The following GRIA4 variants were observed in gnomAD, a reference collection of about 807,000 sequenced individuals.
GRIA4 encodes glutamate receptor 4.
A neutral mutation model predicts 104.0 loss-of-function variants in GRIA4; 34 were observed. That is an observed-to-expected ratio of 0.33 (90% CI 0.25 to 0.44). The LOEUF is 0.44. Ranked by LOEUF, GRIA4 falls within the 20% of genes least tolerant of loss-of-function variation. The probability of loss-of-function intolerance (pLI) is 1.00; values close to 1 mark genes in which losing one functional copy is unlikely to be tolerated. For synonymous variants in GRIA4, 386 were observed against 381.9 expected, an observed-to-expected ratio of 1.01 and a Z score of -0.13; for missense variants, 750 against 1,096.5, an observed-to-expected ratio of 0.68 and a Z score of 4.46.
At chr11:105,966,140 A>G in intron 14 of GRIA4, 2 of 925,544 alleles carry the variant, frequency 2.2e-6, no homozygotes, top group South Asian at 1.4e-5. Context: ...TATGGTTTGG[A>G]CCTCCTAATA....
intron 3 of GRIA4, among the ~76,000 whole-genome samples, chr11:105,627,460 A>G (rs1445993278): frequency 6.6e-6 from 1 of 152,196 alleles, no homozygotes; most frequent in Non-Finnish European, 1.5e-5. Flanking sequence ...TAACATAATT[A>G]TGTTTGTGTG....
At position 105,696,608 on chromosome 11, in the gene GRIA4, C is replaced by T. The variant is rs952880827; in HGVS notation, c.248-56373C>T. ...TACAATAGGCACACTATAAATAGCA[C>T]TCCATCATTTGCTAGATACCATTTC... On this transcript the variant is annotated intron_variant, in intron 3 of 16. Coordinates refer to ENST00000282499, the MANE Select transcript of GRIA4 (RefSeq NM_000829.4). 9.2e-5 allele frequency among the ~76,000 whole-genome samples: 14 copies of T among 152,196 alleles called. No homozygotes were observed. The East Asian group carries it at 2.3e-3, about 25-fold the overall frequency.
intron 4 of GRIA4, among the ~76,000 whole-genome samples, chr11:105,819,918 G>T (rs1034956020): frequency 6.6e-6 from 1 of 152,030 alleles, no homozygotes; most frequent in African/African-American, 2.4e-5. Flanking sequence ...CTAACCCAGT[G>T]TGACTAGTAT....
At chr11:105,849,811 T>C (rs1944733672) in intron 4 of GRIA4, among the ~76,000 whole-genome samples, 1 of 152,202 alleles carries the variant, frequency 6.6e-6, no homozygotes, top group Admixed American at 6.5e-5. Context: ...CAGTCATAAT[T>C]AGCTCTAAAA....
intron 3 of GRIA4, among the ~76,000 whole-genome samples, chr11:105,716,373 C>T (rs1244970407): frequency 6.6e-6 from 1 of 152,022 alleles, no homozygotes; most frequent in East Asian, 1.9e-4. Flanking sequence ...ATTCAAATTA[C>T]TTTTAGTTGT....
At chr11:105,938,606 AT>A (rs908479445) in intron 14 of GRIA4, among the ~76,000 whole-genome samples, 1 of 152,146 alleles carries the variant, frequency 6.6e-6, no homozygotes, top group Non-Finnish European at 1.5e-5. Context: ...TAGATAACTT[AT>A]TTTTTGTAAT....
chr11:105,664,671 T>C (rs1952112910), intron 3 of GRIA4, among the ~76,000 whole-genome samples: 1 of 151,982 alleles, frequency 6.6e-6, no homozygotes, highest in African/African-American at 2.4e-5. Context: ...TAAACTAGTG[T>C]GATCTAATTA....
At chr11:105,691,535 C>T (rs1441389404) in intron 3 of GRIA4, among the ~76,000 whole-genome samples, 1 of 152,032 alleles carries the variant, frequency 6.6e-6, no homozygotes, top group Non-Finnish European at 1.5e-5. Context: ...CTCAGTTTCC[C>T]CATCTGTAAA....
chr11:105,693,350 T>C, intron 3 of GRIA4, among the ~76,000 whole-genome samples: 1 of 152,186 alleles, frequency 6.6e-6, no homozygotes, highest in East Asian at 1.9e-4. Context: ...GAAAAACTTG[T>C]ATGAGATTAT....
chr11:105,769,956 C>G lies in GRIA4; in HGVS notation c.487+16736C>G, dbSNP rs560790952. On this transcript the variant is annotated intron_variant, in intron 4 of 16. Transcript: ENST00000282499. ...AGTAACAGAAACAAGATATAGACTA[C>G]TAGTTACTTTAACTCATGGATTTCT... Among the ~76,000 whole-genome samples, 206 of 152,174 alleles carry G rather than the reference C, an allele frequency of 1.4e-3. 1 individual carries two copies. The highest frequency in any genetic ancestry group is 4.8e-3 in the African/African-American group (200 of 41,532).
chr11:105,685,134 G>A (rs553829158), intron 3 of GRIA4, among the ~76,000 whole-genome samples: 1 of 147,334 alleles, frequency 6.8e-6, no homozygotes, highest in Non-Finnish European at 1.5e-5. Context: ...AGGAAAGAAG[G>A]GAGGGAGGGA....
intron 3 of GRIA4, among the ~76,000 whole-genome samples, chr11:105,670,613 A>G (rs760231181): frequency 6.6e-6 from 1 of 152,286 alleles, no homozygotes; most frequent in East Asian, 1.9e-4. Flanking sequence ...TATTGCATGC[A>G]TAAGTGTATT....
chr11:105,656,173 T>C (rs935508115), intron 3 of GRIA4, among the ~76,000 whole-genome samples: 8 of 152,172 alleles, frequency 5.3e-5, no homozygotes, highest in African/African-American at 1.9e-4. Context: ...TACTTTTTGA[T>C]GAGGTTGTTT....
intron 3 of GRIA4, among the ~76,000 whole-genome samples, chr11:105,656,042 G>C (rs1249510680): frequency 6.6e-6 from 1 of 152,058 alleles, no homozygotes; most frequent in Non-Finnish European, 1.5e-5. Flanking sequence ...GCGTGAGATG[G>C]TATTTCATTG....
chr11:105,703,264 T>A (rs1156485438), intron 3 of GRIA4, among the ~76,000 whole-genome samples: 1 of 152,184 alleles, frequency 6.6e-6, no homozygotes, highest in African/African-American at 2.4e-5. Context: ...TCCAAATAAA[T>A]AATTCAAAAA....
At chr11:105,845,430 G>A (rs1442306665) in intron 4 of GRIA4, among the ~76,000 whole-genome samples, 1 of 152,124 alleles carries the variant, frequency 6.6e-6, no homozygotes, top group African/African-American at 2.4e-5. Context: ...GACAAGGAGA[G>A]GGAACCTTGA....
intron 11 of GRIA4, among the ~76,000 whole-genome samples, chr11:105,919,720 T>TA (rs1440479233): frequency 6.6e-6 from 1 of 152,178 alleles, no homozygotes; most frequent in African/African-American, 2.4e-5. Context: ...ATGCTAGTGA[T>TA]AGCACAATAT....
intron 3 of GRIA4, among the ~76,000 whole-genome samples, chr11:105,638,390 G>T (rs147194916): frequency 6.6e-6 from 1 of 152,126 alleles, no homozygotes; most frequent in Non-Finnish European, 1.5e-5. Flanking sequence ...CCCTGAACCT[G>T]CTGACAACTG....
intron 4 of GRIA4, among the ~76,000 whole-genome samples, chr11:105,788,450 T>C (rs753245578): frequency 1.3e-5 from 2 of 152,198 alleles, no homozygotes; most frequent in Non-Finnish European, 2.9e-5. Context: ...CGTATGTTTA[T>C]CATAGCACTA....
Sources: allele counts gnomAD v4.1 joint callset (sites outside exome capture counted in the v4.1 genomes callset), GRCh38; gene constraint gnomAD v4.1.1; transcripts MANE v1.5; gene names NCBI Gene and HGNC (gene_info 2026-07-23, HGNC 2026-07-21).